The following LUZP2 variants were observed in gnomAD, a reference collection of about 807,000 sequenced individuals.
LUZP2 encodes the protein leucine zipper protein 2.
LUZP2 carries 52 observed loss-of-function variants against 51.6 expected under a neutral mutation model. The ratio of observed to expected loss-of-function variants is 1.01; its 90% confidence interval spans 0.81 to 1.27. LUZP2 has a LOEUF of 1.27. LUZP2 is among the 50% of genes most tolerant of loss of function. The pLI is 0.00. For missense variants in LUZP2, 436 were observed against 395.4 expected (o/e 1.10, Z -0.87); for synonymous variants, 154 against 137.3 (o/e 1.12, Z -0.85).
chr11:24,904,913 T>C (rs2133785857), intron 5 of LUZP2, among the ~76,000 whole-genome samples: 1 of 152,242 alleles, frequency 6.6e-6, no homozygotes, highest in East Asian at 1.9e-4. Context: ...AGTGAAGGGA[T>C]GGAAAAAGAT....
intron 1 of LUZP2, among the ~76,000 whole-genome samples, chr11:24,617,563 G>A (rs1854330350): frequency 6.6e-6 from 1 of 152,186 alleles, no homozygotes; most frequent in South Asian, 2.1e-4. Context: ...GCTCACGCCT[G>A]TAATCCTAGC....
chr11:24,559,775 G>A (rs1190429644), intron 1 of LUZP2, among the ~76,000 whole-genome samples: 4 of 152,156 alleles, frequency 2.6e-5, no homozygotes. Context: ...TGAATTTAGT[G>A]TGAGCATTGT....
chr11:24,953,045 A>C (rs188796801), intron 7 of LUZP2, among the ~76,000 whole-genome samples: 2 of 152,106 alleles, frequency 1.3e-5, no homozygotes, highest in African/African-American at 4.8e-5. Context: ...GTCGAGAAAT[A>C]GACTACAGAA....
intron 1 of LUZP2, among the ~76,000 whole-genome samples, chr11:24,699,879 A>G (rs1299515663): frequency 6.6e-6 from 1 of 151,142 alleles, no homozygotes; most frequent in Non-Finnish European, 1.5e-5. Flanking sequence ...TTTGAACACA[A>G]AGGAATTATA....
intron 6 of LUZP2, among the ~76,000 whole-genome samples, chr11:24,909,475 G>C (rs1030690194): frequency 1.3e-5 from 2 of 149,632 alleles, no homozygotes; most frequent in African/African-American, 4.9e-5. Context: ...ACTCTCCCTT[G>C]ATATTCATCA....
At chr11:24,511,140 C>G (rs1447907049) in intron 1 of LUZP2, among the ~76,000 whole-genome samples, 4 of 152,102 alleles carry the variant, frequency 2.6e-5, no homozygotes. Context: ...ACTGTCTGTG[C>G]CTTCCCTTCT....
chr11:24,968,923 T>C (rs1279426562), intron 7 of LUZP2, among the ~76,000 whole-genome samples: 1 of 152,146 alleles, frequency 6.6e-6, no homozygotes, highest in Non-Finnish European at 1.5e-5. Flanking sequence ...TGGTTCACAG[T>C]TGTTTATAGG....
At chr11:24,602,094 A>ATATATGTGTATATGTG (rs1330545329) in intron 1 of LUZP2, among the ~76,000 whole-genome samples, 1 of 127,592 alleles carries the variant, frequency 7.8e-6, no homozygotes, top group Non-Finnish European at 1.6e-5. Flanking sequence ...GTATATATGT[A>ATATATGTGTATATGTG]TATATGTGTA....
At chr11:24,643,313 T>TG (rs906420754) in intron 1 of LUZP2, among the ~76,000 whole-genome samples, 2 of 148,686 alleles carry the variant, frequency 1.3e-5, no homozygotes, top group South Asian at 4.3e-4. Context: ...TCTGGGAGGT[T>TG]GGGGGGTAGA....
chr11:24,597,615 G>C (rs1014578020), intron 1 of LUZP2, among the ~76,000 whole-genome samples: 1 of 152,162 alleles, frequency 6.6e-6, no homozygotes, highest in Non-Finnish European at 1.5e-5. Flanking sequence ...TCAGACTCTA[G>C]ATACGTGATA....
intron 1 of LUZP2, among the ~76,000 whole-genome samples, chr11:24,713,391 C>G (rs1272313327): frequency 1.3e-5 from 2 of 152,044 alleles, no homozygotes; most frequent in Non-Finnish European, 2.9e-5. Context: ...TAATAGGAAT[C>G]TATACCTTGG....
chr11:24,767,164 C>A (rs1860223874), intron 5 of LUZP2, among the ~76,000 whole-genome samples: 1 of 152,106 alleles, frequency 6.6e-6, no homozygotes, highest in African/African-American at 2.4e-5. Context: ...TCCAAAATTT[C>A]TATTTTTAGT....
chr11:24,779,531 C>G (rs1218655687), intron 5 of LUZP2, among the ~76,000 whole-genome samples: 2 of 152,136 alleles, frequency 1.3e-5, no homozygotes, highest in Non-Finnish European at 2.9e-5. Context: ...TGTGCCACTC[C>G]TTGTTTTTCA....
chr11:24,686,412 C>T (rs1196805724), intron 1 of LUZP2, among the ~76,000 whole-genome samples: 1 of 152,094 alleles, frequency 6.6e-6, no homozygotes, highest in Admixed American at 6.6e-5. Context: ...ACTTCCATGC[C>T]AGTAATAGAA....
chr11:24,621,662 A>G (rs78772377), intron 1 of LUZP2, among the ~76,000 whole-genome samples: 2,899 of 152,066 alleles, frequency 0.019, 103 homozygotes, highest in African/African-American at 0.067. Context: ...TCTATATTAT[A>G]TTTTTCCTTA....
chr11:24,713,012 T>G (rs550446373), intron 1 of LUZP2, among the ~76,000 whole-genome samples: 2 of 152,284 alleles, frequency 1.3e-5, no homozygotes, highest in South Asian at 4.1e-4. Flanking sequence ...AGAAGAGACT[T>G]TTCTAGACAT....
intron 7 of LUZP2, among the ~76,000 whole-genome samples, chr11:24,918,568 A>T (rs1468836279): frequency 6.6e-6 from 1 of 151,864 alleles, no homozygotes; most frequent in Non-Finnish European, 1.5e-5. Context: ...ATCTCAAAAT[A>T]ATAAGAGCTA....
chr11:24,602,157 T>G (rs1435054580), intron 1 of LUZP2, among the ~76,000 whole-genome samples: 1 of 125,314 alleles, frequency 8.0e-6, no homozygotes, highest in East Asian at 2.0e-4. Context: ...TATGTATATA[T>G]GTATATATGT....
intron 10 of LUZP2, 78 bp downstream of exon 10, chr11:25,050,208 GCCAC>G: frequency 1.5e-6 from 1 of 657,842 alleles, no homozygotes. Flanking sequence ...TCTAATTCAT[GCCAC>G]CATGAAACTA....
Sources: allele counts gnomAD v4.1 joint callset (sites outside exome capture counted in the v4.1 genomes callset), GRCh38; gene constraint gnomAD v4.1.1; transcripts MANE v1.5; gene names NCBI Gene and HGNC (gene_info 2026-07-23, HGNC 2026-07-21).